The following PLPP1 variants were observed in gnomAD, a reference collection of about 807,000 sequenced individuals.
PLPP1 encodes lipid phosphate phosphohydrolase 1a.
PLPP1 carries 24 observed loss-of-function variants against 31.2 expected under a neutral mutation model. The observed-to-expected ratio is 0.77, with a 90% confidence interval of 0.56 to 1.08. The LOEUF (loss-of-function observed/expected upper bound fraction) is 1.08. Among genes scored for constraint, PLPP1 ranks in the 50% least tolerant of loss-of-function variants. The pLI, the probability that PLPP1 is intolerant of heterozygous loss-of-function variation, is 0.00. For synonymous variants in PLPP1, 146 were observed against 126.3 expected, an observed-to-expected ratio of 1.16 and a Z score of -1.05; for missense variants, 319 against 342.7, an observed-to-expected ratio of 0.93 and a Z score of 0.55.
intron 2 of PLPP1, among the ~76,000 whole-genome samples, chr5:55,474,658 G>A (rs1329158910): frequency 1.3e-5 from 2 of 152,096 alleles, no homozygotes; most frequent in African/African-American, 2.4e-5. Flanking sequence ...TAAAGTAAGC[G>A]TGCATTGAAG....
chr5:55,527,949 A>G (rs1197985807), intron 1 of PLPP1, among the ~76,000 whole-genome samples: 1 of 152,208 alleles, frequency 6.6e-6, no homozygotes, highest in East Asian at 1.9e-4. Context: ...CTGAAACCAA[A>G]AAGGAAGGGC....
At chr5:55,460,357 T>TA (rs1238586966) in intron 3 of PLPP1, among the ~76,000 whole-genome samples, 1 of 151,564 alleles carries the variant, frequency 6.6e-6, no homozygotes, top group Non-Finnish European at 1.5e-5. Flanking sequence ...AAAAAATAGA[T>TA]AAAAATCAAT....
chr5:55,500,295 G>C (rs1434901665), intron 1 of PLPP1, among the ~76,000 whole-genome samples: 1 of 151,902 alleles, frequency 6.6e-6, no homozygotes, highest in Admixed American at 6.6e-5. Context: ...TAGCCAGGAT[G>C]GTCTTGATCT....
At chr5:55,482,615 A>G (rs1752694935) in intron 1 of PLPP1, among the ~76,000 whole-genome samples, 1 of 152,160 alleles carries the variant, frequency 6.6e-6, no homozygotes, top group East Asian at 1.9e-4. Context: ...AACAAATGTG[A>G]GCAATAGACT....
intron 1 of PLPP1, among the ~76,000 whole-genome samples, chr5:55,518,085 G>A (rs994992167): frequency 2.0e-5 from 3 of 151,842 alleles, no homozygotes; most frequent in South Asian, 2.1e-4. Flanking sequence ...CGCCTGCCTC[G>A]GCCTCCCAGA....
intron 4 of PLPP1, among the ~76,000 whole-genome samples, chr5:55,427,161 T>A (rs577055564): frequency 9.2e-5 from 14 of 152,230 alleles, no homozygotes; most frequent in Non-Finnish European, 1.6e-4. Flanking sequence ...CCCTTTAAAA[T>A]TCTGTTCAAT....
At chr5:55,509,747 A>G (rs1172501475) in intron 1 of PLPP1, among the ~76,000 whole-genome samples, 1 of 152,228 alleles carries the variant, frequency 6.6e-6, no homozygotes, top group African/African-American at 2.4e-5. Context: ...ACACAAATAA[A>G]AAACAAGTTA....
chr5:55,429,241 G>A (rs1052967880), intron 4 of PLPP1, among the ~76,000 whole-genome samples: 1 of 147,796 alleles, frequency 6.8e-6, no homozygotes, highest in Non-Finnish European at 1.5e-5. Context: ...GAAAACAATG[G>A]AGTGGTTTCA....
At chr5:55,488,292 A>C (rs1752816192) in intron 1 of PLPP1, among the ~76,000 whole-genome samples, 1 of 152,044 alleles carries the variant, frequency 6.6e-6, no homozygotes, top group African/African-American at 2.4e-5. Context: ...ATTGTTATAA[A>C]GATAAGTAAA....
intron 1 of PLPP1, among the ~76,000 whole-genome samples, chr5:55,515,617 G>T (rs897773307): frequency 6.6e-6 from 1 of 151,928 alleles, no homozygotes; most frequent in African/African-American, 2.4e-5. Context: ...TAAACCCAAT[G>T]GACACTCTCC....
At chr5:55,490,144 CTTT>C (rs896241457) in intron 1 of PLPP1, among the ~76,000 whole-genome samples, 144 of 83,362 alleles carry the variant, frequency 1.7e-3, no homozygotes, top group African/African-American at 6.5e-3. Flanking sequence ...CTTTTCTTTT[CTTT>C]TTTTTTTTTT....
chr5:55,506,523 T>A (rs1370831875), intron 1 of PLPP1, among the ~76,000 whole-genome samples: 1 of 152,188 alleles, frequency 6.6e-6, no homozygotes, highest in Non-Finnish European at 1.5e-5. Context: ...ATCTTAACCC[T>A]ATTAAATTTG....
chr5:55,508,134 A>C (rs1424328422), intron 1 of PLPP1, among the ~76,000 whole-genome samples: 2 of 152,240 alleles, frequency 1.3e-5, no homozygotes. Flanking sequence ...CTAGGATTAC[A>C]GGCATGAGCC....
chr5:55,448,346 T>C (rs1751815281), intron 3 of PLPP1, among the ~76,000 whole-genome samples: 2 of 152,152 alleles, frequency 1.3e-5, no homozygotes, highest in South Asian at 2.1e-4. Context: ...AAAAATGTAT[T>C]ATGTGACCCA....
intron 2 of PLPP1, among the ~76,000 whole-genome samples, chr5:55,472,106 G>A (rs1044159781): frequency 6.6e-6 from 1 of 152,188 alleles, no homozygotes; most frequent in Non-Finnish European, 1.5e-5. Flanking sequence ...CTGGGTGACA[G>A]AGAAAGACTC....
At chr5:55,516,149 T>C (rs1006419944) in intron 1 of PLPP1, among the ~76,000 whole-genome samples, 5 of 152,166 alleles carry the variant, frequency 3.3e-5, no homozygotes, top group Non-Finnish European at 7.3e-5. Context: ...ACCTTCAACA[T>C]GTCACCAAGA....
intron 1 of PLPP1, chr5:55,530,836 G>A: frequency 8.0e-7 from 1 of 1,254,976 alleles, no homozygotes; most frequent in South Asian, 1.2e-5. Flanking sequence ...CTGACAGACG[G>A]GGCAGTAGGA....
intron 3 of PLPP1, among the ~76,000 whole-genome samples, chr5:55,464,717 A>C (rs1032768090): frequency 2.0e-5 from 3 of 152,204 alleles, no homozygotes; most frequent in Non-Finnish European, 4.4e-5. Flanking sequence ...GGCAGACACA[A>C]CAAAGTACTC....
At chr5:55,496,999 A>G (rs969280130) in intron 1 of PLPP1, among the ~76,000 whole-genome samples, 2 of 152,214 alleles carry the variant, frequency 1.3e-5, no homozygotes, top group Admixed American at 6.5e-5. Flanking sequence ...ATTTATTTTG[A>G]AAACAATGAA....
Sources: allele counts gnomAD v4.1 joint callset (sites outside exome capture counted in the v4.1 genomes callset), GRCh38; gene constraint gnomAD v4.1.1; transcripts MANE v1.5; gene names NCBI Gene and HGNC (gene_info 2026-07-23, HGNC 2026-07-21).